ARFGEF1: variants seen among roughly 807,000 people sequenced by gnomAD.
ARFGEF1 encodes the protein ARF guanine nucleotide exchange factor 1, also known as brefeldin A-inhibited guanine nucleotide-exchange protein 1.
A neutral mutation model predicts 231.0 loss-of-function variants in ARFGEF1; 42 were observed. That is an observed-to-expected ratio of 0.18 (90% CI 0.14 to 0.24). ARFGEF1 has a LOEUF of 0.24. Among genes scored for constraint, ARFGEF1 ranks in the 10% least tolerant of loss-of-function variants. The pLI, the probability that ARFGEF1 is intolerant of heterozygous loss-of-function variation, is 1.00. For missense variants in ARFGEF1, 1,345 were observed against 2,192.0 expected, an observed-to-expected ratio of 0.61 and a Z score of 7.72; for synonymous variants, 710 against 732.3, an observed-to-expected ratio of 0.97 and a Z score of 0.49.
At chr8:67,308,982 A>G (rs1587280544) in intron 1 of ARFGEF1, among the ~76,000 whole-genome samples, 1 of 152,320 alleles carries the variant, frequency 6.6e-6, no homozygotes, top group African/African-American at 2.4e-5. Context: ...ACAGTAGCGA[A>G]GATATGGAGG....
chr8:67,254,590 C>G (rs1312964359), intron 17 of ARFGEF1, among the ~76,000 whole-genome samples: 1 of 151,994 alleles, frequency 6.6e-6, no homozygotes, highest in Non-Finnish European at 1.5e-5. Context: ...ATTCAGGAGG[C>G]TGGGGAAGGA....
intron 20 of ARFGEF1, 38 bp downstream of exon 20, chr8:67,240,124 T>C (rs1481403665): frequency 3.1e-6 from 5 of 1,596,440 alleles, no homozygotes; most frequent in Admixed American, 1.8e-5. Flanking sequence ...AGGTAATTAA[T>C]GTTCCAAACT....
intron 5 of ARFGEF1, chr8:67,177,682 G>C: frequency 6.2e-7 from 1 of 1,608,636 alleles, no homozygotes; most frequent in South Asian, 1.1e-5. Context: ...GACTACAGTT[G>C]ACTTAGATGC....
intron 22 of ARFGEF1, among the ~76,000 whole-genome samples, chr8:67,234,929 G>A (rs559270592): frequency 2.0e-5 from 3 of 151,926 alleles, no homozygotes; most frequent in East Asian, 1.9e-4. Context: ...CGCACAGCAT[G>A]TTACAGGAAT....
chr8:67,246,079 T>C lies in ARFGEF1; in HGVS notation c.2850+5220A>G, dbSNP rs1256901607. On this transcript the variant is annotated intron_variant, in intron 19 of 38. Transcript: ENST00000262215. The stretch of plus-strand genomic sequence containing the variant: ...GTGGATGTGTGTGTGTGTATATATA[T>C]AGATATGCACACCCAGCACTGCACC... Among the ~76,000 whole-genome samples, 3 of 150,156 alleles carry C rather than the reference T, an allele frequency of 2.0e-5. 1 individual carries two copies. Among genetic ancestry groups the C allele is most frequent in the South Asian group, 4.2e-4 (2 of 4,776 alleles).
chr8:67,222,483 C>T (rs1047796724), intron 29 of ARFGEF1, among the ~76,000 whole-genome samples: 5 of 151,984 alleles, frequency 3.3e-5, no homozygotes, highest in Admixed American at 3.3e-4. Flanking sequence ...GACAGAGTCT[C>T]ACTCTGTTGC....
rs1227226882 is a variant in ARFGEF1 at position 67,233,584 on chromosome 8, A to G, written c.3290-639T>C. On this transcript the variant is annotated intron_variant, in intron 22 of 38. Transcript: ENST00000262215. ...GATCTGTTTTTCATATCACCTGTTC[A>G]TTTCCATTCCTACCTAGTTCTGGCC... is the stretch of plus-strand genomic sequence containing the variant. 2.6e-5 allele frequency among the ~76,000 whole-genome samples: 4 copies of G among 151,834 alleles called. 1 individual carries two copies. The highest frequency in any genetic ancestry group is 5.9e-5 in the Non-Finnish European group (4 of 67,874).
At position 67,198,422 on chromosome 8, in the gene ARFGEF1, T is replaced by G; in HGVS notation, c.*512A>C. 1 of 986,202 alleles carries G rather than the reference T, an allele frequency of 1.0e-6. No homozygotes were observed. Among genetic ancestry groups the G allele is most frequent in the African/African-American group, 1.7e-5 (1 of 57,368 alleles). 61.1% of individuals were successfully genotyped at this position (986,202 alleles called of 1,614,324 possible). A position where few individuals can be genotyped will look rare whatever the true frequency, so the allele number is the denominator to read the frequency against. On this transcript the variant is annotated 3_prime_UTR_variant, in exon 39 of 39. Transcript: ENST00000262215. ...TCTCTGTACATTTTTCACAGGATGA[T>G]TACCAGTATCTCAGATAGCCTGAGT...
downstream of ARFGEF1, chr8:67,196,056 A>AATT (rs1046765043): frequency 6.5e-6 from 1 of 153,810 alleles, no homozygotes; most frequent in Non-Finnish European, 1.4e-5. Flanking sequence ...CCTATTAATT[A>AATT]ATTATTATTT....
intron 34 of ARFGEF1, among the ~76,000 whole-genome samples, chr8:67,206,410 TAAAAAAAAAAA>T (rs747164390): frequency 4.9e-5 from 5 of 102,048 alleles, no homozygotes; most frequent in South Asian, 3.0e-4. Flanking sequence ...ATTTTATCTT[TAAAAAAAAAAA>T]AAAAAAAAAA....
At chr8:67,202,921 A>G (rs1039520697) in intron 36 of ARFGEF1, among the ~76,000 whole-genome samples, 162 bp downstream of exon 36, 3 of 152,208 alleles carry the variant, frequency 2.0e-5, no homozygotes, top group African/African-American at 7.2e-5. Context: ...TGTAGACCAG[A>G]AAAGGGCCTC....
chr8:67,223,362 T>C (rs1303376134), intron 29 of ARFGEF1, among the ~76,000 whole-genome samples: 1 of 152,092 alleles, frequency 6.6e-6, no homozygotes, highest in Non-Finnish European at 1.5e-5. Context: ...ATGACCACCA[T>C]GCCTAGTTAA....
downstream of ARFGEF1, among the ~76,000 whole-genome samples, chr8:67,194,230 T>G (rs2129576183): frequency 6.6e-6 from 1 of 152,344 alleles, no homozygotes; most frequent in South Asian, 2.1e-4. Context: ...ACTTTCATAT[T>G]GGTAATAATA....
chr8:67,315,829 T>C (rs1196728154), intron 1 of ARFGEF1, among the ~76,000 whole-genome samples: 1 of 152,038 alleles, frequency 6.6e-6, no homozygotes, highest in African/African-American at 2.4e-5. Context: ...GCTAAAATTG[T>C]ATGGGATACA....
intron 1 of ARFGEF1, among the ~76,000 whole-genome samples, chr8:67,315,915 T>G (rs911047426): frequency 6.7e-6 from 1 of 149,524 alleles, no homozygotes; most frequent in Non-Finnish European, 1.5e-5. Context: ...CTTAAGAAAC[T>G]AGGAAAAGCA....
At chr8:67,243,057 T>C (rs1298616000) in intron 19 of ARFGEF1, among the ~76,000 whole-genome samples, 3 of 152,186 alleles carry the variant, frequency 2.0e-5, no homozygotes, top group Admixed American at 6.5e-5. Context: ...GGCTCCAAGA[T>C]AGTATCTCTG....
intron 14 of ARFGEF1, 44 bp from the exon 15 acceptor site, chr8:67,259,970 G>A (rs370879184): frequency 2.1e-5 from 28 of 1,354,722 alleles, no homozygotes; most frequent in South Asian, 1.9e-4. Flanking sequence ...AAAACCATTC[G>A]TAGTCCCTGA....
In ARFGEF1 at chr8:67,231,075, G is replaced by C. The variant is rs529211012; in HGVS notation, c.3380+1780C>G. On this transcript the variant is annotated intron_variant, in intron 23 of 38. Transcript: ENST00000262215. ...TAGGCCTAAGGACAGGAAAATGACT[G>C]TCTGCTGGGTAAGTACAGAACTCCC... 1.4e-4 allele frequency among the ~76,000 whole-genome samples: 21 copies of C among 152,136 alleles called. No homozygotes were observed. In the East Asian group the frequency reaches 4.0e-3, roughly 29 times the overall value.
chr8:67,296,915 G>C (rs1482658984), intron 4 of ARFGEF1, among the ~76,000 whole-genome samples: 1 of 152,046 alleles, frequency 6.6e-6, no homozygotes, highest in African/African-American at 2.4e-5. Context: ...GCCTCCCAAA[G>C]TGCGGGGGTT....
Sources: gnomAD v4.1 joint callset for allele counts (sites outside exome capture counted in the v4.1 genomes callset) on GRCh38, gnomAD v4.1.1 for gene constraint, MANE v1.5 for transcripts, NCBI Gene and HGNC (gene_info 2026-07-23, HGNC 2026-07-21) for gene names.